Variants in ANKRD31 observed in about 807,000 individuals in gnomAD.
ANKRD31 encodes ankyrin repeat domain 31, also known as ankyrin repeat domain-containing protein 31.
Under a neutral mutation model 186.0 loss-of-function variants are expected in ANKRD31, and 147 were observed. That is an observed-to-expected ratio of 0.79 (90% CI 0.69 to 0.91). The LOEUF is 0.91. Ranked by LOEUF, ANKRD31 falls within the 40% of genes least tolerant of loss-of-function variation. The probability of loss-of-function intolerance (pLI) is 0.00; values close to 1 mark genes in which losing one functional copy is unlikely to be tolerated. For synonymous variants in ANKRD31, 673 were observed against 736.4 expected, an observed-to-expected ratio of 0.91 and a Z score of 1.39; for missense variants, 1,986 against 2,148.8, an observed-to-expected ratio of 0.92 and a Z score of 1.50.
At chr5:75,151,754 G>A (rs1751855848) in intron 12 of ANKRD31, among the ~76,000 whole-genome samples, 1 of 151,984 alleles carries the variant, frequency 6.6e-6, no homozygotes, top group East Asian at 1.9e-4. Context: ...GGTTTGTGTT[G>A]ACACTTAATC....
chr5:75,147,757 C>A (rs560070689), intron 13 of ANKRD31, among the ~76,000 whole-genome samples: 5 of 151,902 alleles, frequency 3.3e-5, no homozygotes, highest in Non-Finnish European at 4.4e-5. Context: ...ATTTTAATTC[C>A]TTCTTGCCAG....
chr5:75,133,929 G>A lies in ANKRD31; in HGVS notation c.3876+3927C>T, dbSNP rs9729965. On this transcript the variant is annotated intron_variant, in intron 17 of 25. Coordinates refer to ENST00000506364, the MANE Select transcript of ANKRD31 (RefSeq NM_001372053.1). The stretch of plus-strand genomic sequence containing the variant: ...CCTGAATGACTACTGGGTACATAAC[G>A]AAATGAAGGCAGAAATAAGGAAGTT... 1.2e-4 allele frequency among the ~76,000 whole-genome samples: 19 copies of A among 152,186 alleles called. No homozygotes were observed. The East Asian group carries it at 2.1e-3, about 17-fold the overall frequency.
chr5:75,158,856 C>A (rs774135087), intron 11 of ANKRD31, among the ~76,000 whole-genome samples: 10 of 151,698 alleles, frequency 6.6e-5, no homozygotes, highest in Non-Finnish European at 1.5e-4. Context: ...AAAGTATGAC[C>A]CATACACAGG....
intron 2 of ANKRD31, among the ~76,000 whole-genome samples, chr5:75,226,297 G>A (rs989635069): frequency 6.6e-6 from 1 of 152,184 alleles, no homozygotes. Context: ...TTGTAGAGCT[G>A]TAGTGAACAT....
At chr5:75,214,290 T>G (rs539809744) in intron 3 of ANKRD31, among the ~76,000 whole-genome samples, 1 of 152,328 alleles carries the variant, frequency 6.6e-6, no homozygotes, top group Non-Finnish European at 1.5e-5. Flanking sequence ...AAGCCCCATT[T>G]TCATCCTACT....
At chr5:75,147,655 C>A in intron 13 of ANKRD31, 150 bp from the exon 14 acceptor site, 1 of 638,302 alleles carries the variant, frequency 1.6e-6, no homozygotes, top group Non-Finnish European at 2.5e-6. Context: ...ATATAGCCAA[C>A]CTGATATTTC....
At chr5:75,188,290 T>C (rs1372562014) in intron 10 of ANKRD31, among the ~76,000 whole-genome samples, 1 of 152,130 alleles carries the variant, frequency 6.6e-6, no homozygotes, top group Non-Finnish European at 1.5e-5. Context: ...AGAAACATAA[T>C]GCTCTTCTCC....
intron 12 of ANKRD31, among the ~76,000 whole-genome samples, chr5:75,153,389 T>C (rs563693217): frequency 6.6e-6 from 1 of 152,140 alleles, no homozygotes; most frequent in African/African-American, 2.4e-5. Context: ...ATAACTAATA[T>C]AGTGAAGGTA....
At chr5:75,200,829 T>G (rs888067122) in intron 5 of ANKRD31, among the ~76,000 whole-genome samples, 3 of 151,448 alleles carry the variant, frequency 2.0e-5, no homozygotes, top group Admixed American at 6.6e-5. Flanking sequence ...TGAGAATTGC[T>G]TGAACCTGGG....
At position 75,188,563 on chromosome 5, in the gene ANKRD31, T is replaced by C; in HGVS notation, c.1494A>G (p.Leu498=). ...GATGAACAAGATCAGCATCATCGTGTAGAGCAGCCTTATATACTAAGTTCT... is the reference window on the plus strand; with the variant it reads ...GATGAACAAGATCAGCATCATCGTGCAGAGCAGCCTTATATACTAAGTTCT... ...FGENLVYKAA[L]HDDADLVHHC... is the part of the protein sequence containing the mutation. Residue 498 remains leucine, a synonymous_variant, in exon 10 of 26, where the codon CTA becomes CTG. Transcript: ENST00000506364. 1 of 1,536,624 alleles carries C rather than the reference T, an allele frequency of 6.5e-7. No homozygotes were observed. The highest frequency in any genetic ancestry group is 8.7e-7 in the Non-Finnish European group (1 of 1,146,502).
intron 2 of ANKRD31, among the ~76,000 whole-genome samples, chr5:75,226,155 C>T (rs1321660013): frequency 6.6e-6 from 1 of 152,156 alleles, no homozygotes; most frequent in Admixed American, 6.5e-5. Context: ...AATAGAATAC[C>T]ACGTAAATTT....
intron 23 of ANKRD31, 71 bp from the exon 24 acceptor site, chr5:75,084,445 C>A (rs1580290415): frequency 8.6e-7 from 1 of 1,159,714 alleles, no homozygotes; most frequent in East Asian, 2.6e-5. Flanking sequence ...ATGTCCTGAA[C>A]ATTGTAATTT....
At chr5:75,181,024 A>C (rs7341039) in intron 10 of ANKRD31, among the ~76,000 whole-genome samples, 74,926 of 150,208 alleles carry the variant, frequency 0.5, 21,403 homozygotes, top group African/African-American at 0.8. Flanking sequence ...ATGAACTCAA[A>C]CAAATTTACA....
chr5:75,176,864 T>C (rs1753846437), intron 10 of ANKRD31, among the ~76,000 whole-genome samples: 1 of 151,894 alleles, frequency 6.6e-6, no homozygotes, highest in Non-Finnish European at 1.5e-5. Flanking sequence ...TCACCAGCAA[T>C]GGAACAAAGC....
chr5:75,101,761 T>C (rs1268500877), intron 22 of ANKRD31, among the ~76,000 whole-genome samples: 1 of 152,212 alleles, frequency 6.6e-6, no homozygotes, highest in Admixed American at 6.5e-5. Flanking sequence ...TCTCGTGCCA[T>C]GGTTTTCAGC....
chr5:75,128,533 C>G (rs541534281), intron 17 of ANKRD31, among the ~76,000 whole-genome samples: 95 of 111,928 alleles, frequency 8.5e-4, no homozygotes, highest in Non-Finnish European at 1.2e-3. Context: ...GAGATGGAGT[C>G]TGGCTCTGCT....
At position 75,103,785 on chromosome 5, in the gene ANKRD31, T is replaced by C. The variant is rs573348058; in HGVS notation, c.5331+443A>G. Among the ~76,000 whole-genome samples, 11 of 151,928 alleles carry C rather than the reference T, an allele frequency of 7.2e-5. No homozygotes were observed. In the East Asian group the frequency reaches 2.1e-3, roughly 29 times the overall value. On this transcript the variant is annotated intron_variant, in intron 22 of 25. Coordinates refer to ENST00000506364, the MANE Select transcript of ANKRD31 (RefSeq NM_001372053.1). ...AACGCTGCATGTTCTCACTTATAAG[T>C]GGGAGCTGAACAATGAGAACACGTG...
At chr5:75,192,576 AATT>A in intron 9 of ANKRD31, 88 bp downstream of exon 9, 1 of 1,074,670 alleles carries the variant, frequency 9.3e-7, no homozygotes, top group Non-Finnish European at 1.3e-6. Context: ...TCATCAGCAA[AATT>A]AGAAAGTTGA....
chr5:75,073,986 T>C (rs1306134070), intron 25 of ANKRD31, among the ~76,000 whole-genome samples: 2 of 152,194 alleles, frequency 1.3e-5, no homozygotes, highest in African/African-American at 4.8e-5. Context: ...ACTTATATAG[T>C]TTATATTCCA....
Sources: gnomAD v4.1 joint callset for allele counts (sites outside exome capture counted in the v4.1 genomes callset) on GRCh38, gnomAD v4.1.1 for gene constraint, MANE v1.5 for transcripts, NCBI Gene and HGNC (gene_info 2026-07-23, HGNC 2026-07-21) for gene names.